Variants in CDC42EP5 observed in about 807,000 individuals in gnomAD.
CDC42EP5 encodes the protein CDC42 effector protein 5.
For missense variants in CDC42EP5, 269 were observed against 238.0 expected, an observed-to-expected ratio of 1.13 and a Z score of -0.86; for synonymous variants, 118 against 123.3, an observed-to-expected ratio of 0.96 and a Z score of 0.28.
At chr19:54,467,297 T>C (rs1473821419) in intron 2 of CDC42EP5, among the ~76,000 whole-genome samples, 1 of 130,578 alleles carries the variant, frequency 7.7e-6, no homozygotes, top group Non-Finnish European at 1.7e-5. Flanking sequence ...AAAAAAAAAA[T>C]ACAAAATTAG....
At chr19:54,470,821 T>G (rs541551374) in intron 2 of CDC42EP5, among the ~76,000 whole-genome samples, 1 of 152,264 alleles carries the variant, frequency 6.6e-6, no homozygotes, top group East Asian at 1.9e-4. Context: ...CATAGGAGAC[T>G]ACGGGCATGC....
Position 54,473,174 on chromosome 19 carries a change from T to TC in CDC42EP5, c.-253dup, listed in dbSNP as rs1161833744. 6.6e-6 allele frequency: 1 copy of TC among 152,642 alleles called. No individual in the cohort carries two copies. The highest frequency in any genetic ancestry group is 2.4e-5 in the African/African-American group (1 of 41,452). 9.5% of individuals were successfully genotyped at this position (152,642 alleles called of 1,614,324 possible). A position where few individuals can be genotyped will look rare whatever the true frequency, so the allele number is the denominator to read the frequency against. ...CAGAGAGGGTTTTGGCACAGGCCCC[T>TC]CCCAGGCTTTCTTATCCCCCAAAAG... On this transcript the variant is annotated 5_prime_UTR_variant, in exon 1 of 3. Transcript: ENST00000301200.
rs1221160780 is a variant in CDC42EP5 at position 54,465,027 on chromosome 19, C to G, written c.*74G>C. On this transcript the variant is annotated 3_prime_UTR_variant, in exon 3 of 3. Coordinates refer to ENST00000301200, the MANE Select transcript of CDC42EP5 (RefSeq NM_145057.4). ...ACGTGCAAAGTGAAAAGTCAGAGCCCGGGCACACACCTTGGCCGTTTATGT... is the reference window on the plus strand; with the variant it reads ...ACGTGCAAAGTGAAAAGTCAGAGCCGGGGCACACACCTTGGCCGTTTATGT... 2.5e-6 allele frequency: 3 copies of G among 1,194,794 alleles called. No individual in the cohort carries two copies. The South Asian group carries it at 8.3e-5, about 33-fold the overall frequency. The allele number at this position is 1,194,794 out of a possible 1,614,324, so 74.0% of individuals were successfully genotyped here. A position where few individuals can be genotyped will look rare whatever the true frequency, so the allele number is the denominator to read the frequency against.
chr19:54,468,659 TCA>T (rs747369197), intron 2 of CDC42EP5, among the ~76,000 whole-genome samples: 84 of 151,732 alleles, frequency 5.5e-4, no homozygotes, highest in Non-Finnish European at 1.0e-3. Flanking sequence ...TCCTCCCACC[TCA>T]GACTCCTGAG....
chr19:54,468,908 C>CTTCCTTCCTTCCTTCCTTCT, intron 2 of CDC42EP5, among the ~76,000 whole-genome samples: 1 of 82,778 alleles, frequency 1.2e-5, no homozygotes, highest in African/African-American at 3.2e-5. Context: ...TCCTTCCTTC[C>CTTCCTTCCTTCCTTCCTTCT]TTCCTTCCTT....
intron 2 of CDC42EP5, among the ~76,000 whole-genome samples, chr19:54,469,003 CTTTT>C (rs1315309997): frequency 2.8e-5 from 4 of 144,938 alleles, no homozygotes; most frequent in South Asian, 2.3e-4. Flanking sequence ...TTCTTTCTTT[CTTTT>C]CTTTTTTGAT....
Position 54,465,499 on chromosome 19 carries a change from C to G in CDC42EP5, c.49G>C (p.Asp17His). 3 of 1,539,726 alleles carry G rather than the reference C, an allele frequency of 1.9e-6. No homozygotes were observed. Among genetic ancestry groups the G allele is most frequent in the Non-Finnish European group, 2.6e-6 (3 of 1,155,442 alleles). Residue 17 changes from aspartate to histidine, a missense_variant, in exon 3 of 3, where the codon GAT (aspartate) becomes CAT (histidine). Physicochemically the swap from Asp to His is moderately conservative, Grantham distance 81. Transcript: ENST00000301200. ...LGPAQPKKRP[D>H]RGALSISAPL... ...GCGGAGATGGACAGGGCGCCGCGAT[C>G]AGGCCGCTTCTTGGGCTGCGCGGGG...
intron 2 of CDC42EP5, among the ~76,000 whole-genome samples, chr19:54,470,142 A>G (rs1183003526): frequency 6.6e-6 from 1 of 152,150 alleles, no homozygotes; most frequent in East Asian, 1.9e-4. Flanking sequence ...CTGAGACAGC[A>G]GGATCACTTG....
At chr19:54,470,237 T>C (rs2084816141) in intron 2 of CDC42EP5, among the ~76,000 whole-genome samples, 1 of 151,964 alleles carries the variant, frequency 6.6e-6, no homozygotes, top group Non-Finnish European at 1.5e-5. Flanking sequence ...CCAGGTGCTG[T>C]GTCATGCACC....
chr19:54,467,815 G>A (rs956452588), intron 2 of CDC42EP5, among the ~76,000 whole-genome samples: 5 of 152,160 alleles, frequency 3.3e-5, no homozygotes, highest in Non-Finnish European at 5.9e-5. Flanking sequence ...GAGCCACCAC[G>A]CCCGGCCTAA....
chr19:54,465,598 CA>C (rs545669269), intron 2 of CDC42EP5, 51 bp from the exon 3 acceptor site: 116 of 1,397,600 alleles, frequency 8.3e-5, no homozygotes, highest in South Asian at 5.8e-4. Flanking sequence ...GGCTCGCAGC[CA>C]CGCGACTGCT....
rs937675944 is a variant in CDC42EP5 at position 54,465,182 on chromosome 19, T to C, written c.366A>G (p.Glu122=). The C allele has an allele frequency of 7.0e-7, 1 of 1,422,686 alleles. No individual in the cohort carries two copies. 88.1% of individuals were successfully genotyped at this position (1,422,686 alleles called of 1,614,324 possible). ...PEAAAAKPDA[E]PRPGTQPPQA... is the part of the protein sequence containing the mutation. Reference sequence around the variant, plus strand: ...GGGGGGGCTGCGTCCCGGGGCGGGGTTCCGCGTCGGGCTTGGCGGCAGCCG... The same window carrying C: ...GGGGGGGCTGCGTCCCGGGGCGGGGCTCCGCGTCGGGCTTGGCGGCAGCCG... The change falls in exon 3 of 3, where the codon GAA becomes GAG. Residue 122 remains glutamate (E), a synonymous_variant. Coordinates refer to ENST00000301200, the MANE Select transcript of CDC42EP5 (RefSeq NM_145057.4).
At position 54,465,179 on chromosome 19, in the gene CDC42EP5, G is replaced by T; in HGVS notation, c.369C>A (p.Pro123=). Residue 123 remains proline (P), a synonymous_variant, in exon 3 of 3, where the codon CCC becomes CCA. Coordinates refer to ENST00000301200, the MANE Select transcript of CDC42EP5 (RefSeq NM_145057.4). ...CCTGGGGGGGCTGCGTCCCGGGGCGGGGTTCCGCGTCGGGCTTGGCGGCAG... is the reference window on the plus strand; with the variant it reads ...CCTGGGGGGGCTGCGTCCCGGGGCGTGGTTCCGCGTCGGGCTTGGCGGCAG... ...EAAAAKPDAE[P]RPGTQPPQAR... 7.0e-7 allele frequency: 1 copy of T among 1,424,688 alleles called. No individual in the cohort carries two copies. The highest frequency in any genetic ancestry group is 1.5e-5 in the African/African-American group (1 of 66,878). The allele number at this position is 1,424,688 out of a possible 1,614,324, so 88.3% of individuals were successfully genotyped here.
intron 2 of CDC42EP5, among the ~76,000 whole-genome samples, chr19:54,466,218 G>A (rs961074022): frequency 6.6e-6 from 1 of 151,950 alleles, no homozygotes; most frequent in Non-Finnish European, 1.5e-5. Flanking sequence ...CGAGGCGGGC[G>A]GATCGCTTGA....
intron 1 of CDC42EP5, among the ~76,000 whole-genome samples, chr19:54,472,081 C>T (rs1209727568): frequency 5.9e-5 from 2 of 33,828 alleles, no homozygotes; most frequent in Admixed American, 2.2e-4. Flanking sequence ...TCCCTCAGAC[C>T]CAGGAGTCCA....
chr19:54,471,103 C>T (rs1202389465), intron 2 of CDC42EP5, among the ~76,000 whole-genome samples: 1 of 152,196 alleles, frequency 6.6e-6, no homozygotes, highest in Non-Finnish European at 1.5e-5. Context: ...GAAAAAGTCC[C>T]TCACGCTGCC....
intron 2 of CDC42EP5, among the ~76,000 whole-genome samples, chr19:54,470,242 T>C (rs1163680677): frequency 4.6e-5 from 7 of 151,892 alleles, no homozygotes; most frequent in Admixed American, 1.3e-4. Flanking sequence ...TGCTGTGTCA[T>C]GCACCTGCAG....
intron 2 of CDC42EP5, among the ~76,000 whole-genome samples, chr19:54,465,781 A>AC (rs1477105253): frequency 6.6e-6 from 1 of 151,960 alleles, no homozygotes; most frequent in African/African-American, 2.4e-5. Context: ...GATTACAGGC[A>AC]CCCGCCACCA....
In CDC42EP5 at chr19:54,465,317, C is replaced by T. The variant is rs2084733004; in HGVS notation, c.231G>A (p.Pro77=). The change falls in exon 3 of 3, where the codon CCG becomes CCA. Residue 77 remains proline, a synonymous_variant. Coordinates refer to ENST00000301200, the MANE Select transcript of CDC42EP5 (RefSeq NM_145057.4). ...APRSPPPPAV[P]QSAAPSPADP... ...CGGCAGGCGAGGGCGCTGCGGACTGCGGGACGGCGGGCGGCGGCGGGGAGC... is the reference window on the plus strand; with the variant it reads ...CGGCAGGCGAGGGCGCTGCGGACTGTGGGACGGCGGGCGGCGGCGGGGAGC... The T allele has an allele frequency of 1.8e-5, 22 of 1,204,338 alleles. No individual in the cohort carries two copies. The highest frequency in any genetic ancestry group is 2.3e-5 in the Non-Finnish European group (22 of 970,606). The allele number at this position is 1,204,338 out of a possible 1,614,324, so 74.6% of individuals were successfully genotyped here. A position where few individuals can be genotyped will look rare whatever the true frequency, so the allele number is the denominator to read the frequency against.
Sources: allele counts gnomAD v4.1 joint callset (sites outside exome capture counted in the v4.1 genomes callset), GRCh38; gene constraint gnomAD v4.1.1; transcripts MANE v1.5; gene names NCBI Gene and HGNC (gene_info 2026-07-23, HGNC 2026-07-21).